Variants in CYP4X1 observed in about 807,000 individuals in gnomAD.
CYP4X1 encodes cytochrome P450 family 4 subfamily X member 1.
In CYP4X1, 44 loss-of-function variants were observed where a neutral mutation model predicts 57.9. The observed-to-expected ratio is 0.76, with a 90% CI of 0.60 to 0.98. The LOEUF (loss-of-function observed/expected upper bound fraction) is 0.98. CYP4X1 is among the 50% of genes least tolerant of loss of function. The pLI is 0.00. For synonymous variants in CYP4X1, 227 were observed against 228.6 expected, an observed-to-expected ratio of 0.99 and a Z score of 0.06; for missense variants, 532 against 623.9, an observed-to-expected ratio of 0.85 and a Z score of 1.57.
the CYP4X1 span, among the ~76,000 whole-genome samples, chr1:46,966,174 A>C: frequency 6.6e-6 from 1 of 152,230 alleles, no homozygotes; most frequent in Non-Finnish European, 1.5e-5. Flanking sequence ...CTAGAATTCC[A>C]AACCAGTGGG....
chr1:47,002,709 C>T, the CYP4X1 span, among the ~76,000 whole-genome samples: 1 of 152,166 alleles, frequency 6.6e-6, no homozygotes, highest in Non-Finnish European at 1.5e-5. Flanking sequence ...ATGTTTTACA[C>T]AACAGGATCC....
At chr1:47,052,517 T>C (rs939806329), downstream of CYP4X1, among the ~76,000 whole-genome samples, 3 of 152,160 alleles carry the variant, frequency 2.0e-5, no homozygotes, top group African/African-American at 4.8e-5. Context: ...ATATTCCCTT[T>C]GAAAGGTGCA....
chr1:47,016,405 T>A, the CYP4X1 span, among the ~76,000 whole-genome samples: 1 of 151,722 alleles, frequency 6.6e-6, no homozygotes, highest in Non-Finnish European at 1.5e-5. Context: ...GCAGTGGCGC[T>A]ATCTTGGCTC....
intron 8 of CYP4X1, among the ~76,000 whole-genome samples, chr1:47,044,519 A>G (rs764280666): frequency 2.3e-4 from 34 of 144,708 alleles, no homozygotes; most frequent in Non-Finnish European, 4.6e-4. Context: ...CTAGAGATAG[A>G]ATTAATTAAC....
the CYP4X1 span, among the ~76,000 whole-genome samples, chr1:47,001,792 A>C: frequency 6.6e-6 from 1 of 152,310 alleles, no homozygotes; most frequent in African/African-American, 2.4e-5. Context: ...TCTTCATCAC[A>C]GCGGGGACAG....
At chr1:47,004,163 AC>A in the CYP4X1 span, among the ~76,000 whole-genome samples, 1 of 152,196 alleles carries the variant, frequency 6.6e-6, no homozygotes, top group Admixed American at 6.5e-5. Context: ...GGGTATTTAA[AC>A]CCCAGAAAAT....
At chr1:47,055,384 T>A (rs893537917), downstream of CYP4X1, among the ~76,000 whole-genome samples, 4 of 152,208 alleles carry the variant, frequency 2.6e-5, no homozygotes, top group Non-Finnish European at 5.9e-5. Context: ...AATTCTCTTT[T>A]TTTGTTGTGT....
the CYP4X1 span, among the ~76,000 whole-genome samples, chr1:47,005,153 C>G: frequency 6.6e-6 from 1 of 152,178 alleles, no homozygotes; most frequent in African/African-American, 2.4e-5. Flanking sequence ...AAAGGGGATG[C>G]ACTCAGAAGA....
rs1362234958 is a variant in CYP4X1, at chr1:47,050,490, AT to A, written c.*317del. 3.4e-5 allele frequency: 6 copies of A among 174,004 alleles called. No individual in the cohort carries two copies. Among genetic ancestry groups the A allele is most frequent in the African/African-American group, 1.4e-4 (6 of 42,018 alleles). The allele number at this position is 174,004 out of a possible 1,614,324, so 10.8% of individuals were successfully genotyped here. On this transcript the variant is annotated 3_prime_UTR_variant, in exon 12 of 12. Transcript: ENST00000371901. ...TCAGAATTATGCAAGTAATAAGTGC[AT>A]GTATGCTCACTGTCAAAAATTCCCA... is the stretch of plus-strand genomic sequence containing the variant.
At chr1:47,000,124 A>G in the CYP4X1 span, among the ~76,000 whole-genome samples, 5 of 152,096 alleles carry the variant, frequency 3.3e-5, no homozygotes, top group Non-Finnish European at 7.4e-5. Flanking sequence ...GGTTTCCTCC[A>G]TGCTGTTCTC....
chr1:47,028,461 G>A (rs931545815), intron 1 of CYP4X1, among the ~76,000 whole-genome samples: 1 of 152,154 alleles, frequency 6.6e-6, no homozygotes, highest in Non-Finnish European at 1.5e-5. Context: ...TCATAGCAGT[G>A]CTTGATAAAT....
chr1:47,004,256 C>G, the CYP4X1 span, among the ~76,000 whole-genome samples: 1 of 152,214 alleles, frequency 6.6e-6, no homozygotes, highest in Non-Finnish European at 1.5e-5. Flanking sequence ...TAGAGCTTTG[C>G]TTTTGTTGCT....
upstream of CYP4X1, among the ~76,000 whole-genome samples, chr1:47,018,874 C>T (rs144778170): frequency 1.4e-4 from 21 of 152,206 alleles, no homozygotes; most frequent in South Asian, 6.2e-4. Flanking sequence ...AAATACAAGC[C>T]GCTGACCATT....
the CYP4X1 span, among the ~76,000 whole-genome samples, chr1:46,978,707 T>C: frequency 6.6e-6 from 1 of 151,422 alleles, no homozygotes; most frequent in African/African-American, 2.5e-5. Flanking sequence ...TATTCCAAAA[T>C]TGACCACATA....
At chr1:46,999,026 T>TCGTGTGTG in the CYP4X1 span, among the ~76,000 whole-genome samples, 2 of 143,248 alleles carry the variant, frequency 1.4e-5, no homozygotes, top group Admixed American at 6.9e-5. Context: ...CTTGCTTTCT[T>TCGTGTGTG]TGTGTGTGTG....
chr1:46,980,095 C>T, the CYP4X1 span, among the ~76,000 whole-genome samples: 1 of 152,154 alleles, frequency 6.6e-6, no homozygotes, highest in Non-Finnish European at 1.5e-5. Flanking sequence ...CTCACCACCC[C>T]TATTCAACAT....
At chr1:47,028,412 A>T (rs1277758933) in intron 1 of CYP4X1, among the ~76,000 whole-genome samples, 1 of 152,186 alleles carries the variant, frequency 6.6e-6, no homozygotes, top group African/African-American at 2.4e-5. Flanking sequence ...GTAAATATTA[A>T]ATAACATAGA....
At chr1:47,030,347 C>T (rs566740807) in intron 2 of CYP4X1, among the ~76,000 whole-genome samples, 4 of 152,238 alleles carry the variant, frequency 2.6e-5, no homozygotes, top group East Asian at 1.9e-4. Context: ...ACGTTGAAGT[C>T]GGTATAACTT....
chr1:47,050,151 C>T lies in CYP4X1; in HGVS notation c.1507C>T (p.Leu503=), dbSNP rs766250672. ...LKPKNGMYLH[L]KKLSEC ...GCCCAAGAATGGGATGTATTTGCAC[C>T]TGAAGAAACTCTCTGAATGTTAGAT... The change falls in exon 12 of 12, where the codon CTG becomes TTG. Residue 503 remains leucine (L), a synonymous_variant. Transcript: ENST00000371901. 1.9e-6 allele frequency: 3 copies of T among 1,613,894 alleles called. No homozygotes were observed. The highest frequency in any genetic ancestry group is 4.5e-5 in the East Asian group (2 of 44,848).
Sources: allele counts gnomAD v4.1 joint callset (sites outside exome capture counted in the v4.1 genomes callset), GRCh38; gene constraint gnomAD v4.1.1; transcripts MANE v1.5; gene names NCBI Gene and HGNC (gene_info 2026-07-23, HGNC 2026-07-21).